The following EMSY variants were observed in gnomAD, a reference collection of about 807,000 sequenced individuals.
EMSY encodes the protein EMSY transcriptional repressor, BRCA2 interacting.
A neutral mutation model predicts 134.6 loss-of-function variants in EMSY; 26 were observed. The ratio of observed to expected loss-of-function variants is 0.19; its 90% CI spans 0.14 to 0.27. The LOEUF (loss-of-function observed/expected upper bound fraction) is 0.27. Among genes scored for constraint, EMSY ranks in the 10% least tolerant of loss-of-function variants. EMSY has a pLI of 1.00. For missense variants in EMSY, 1,305 were observed against 1,611.4 expected (o/e 0.81, Z 3.26); for synonymous variants, 579 against 577.8 (o/e 1.00, Z -0.03).
At chr11:76,507,015 A>G (rs1237572801) in intron 9 of EMSY, among the ~76,000 whole-genome samples, 1 of 152,242 alleles carries the variant, frequency 6.6e-6, no homozygotes, top group East Asian at 1.9e-4. Flanking sequence ...AGACCACTGA[A>G]ATAAAGTGAA....
chr11:76,504,857 T>C (rs554421729), intron 9 of EMSY, among the ~76,000 whole-genome samples: 74 of 152,318 alleles, frequency 4.9e-4, no homozygotes, highest in African/African-American at 1.6e-3. Flanking sequence ...TGCTACAAGA[T>C]GGATGAACCT....
intron 13 of EMSY, among the ~76,000 whole-genome samples, chr11:76,527,217 T>C (rs1950875793): frequency 6.6e-6 from 1 of 151,872 alleles, no homozygotes; most frequent in African/African-American, 2.4e-5. Context: ...GCACTATTAG[T>C]TTCGGTTGAG....
chr11:76,472,301 T>C (rs896263131), intron 7 of EMSY, among the ~76,000 whole-genome samples: 1 of 152,088 alleles, frequency 6.6e-6, no homozygotes. Flanking sequence ...CTAAGTAGTA[T>C]GCTGAAATGT....
intron 9 of EMSY, among the ~76,000 whole-genome samples, chr11:76,508,754 T>A (rs1412538558): frequency 2.0e-5 from 3 of 152,256 alleles, no homozygotes; most frequent in Non-Finnish European, 4.4e-5. Context: ...CCGTCAGCAC[T>A]TGCTGTTTTG....
At chr11:76,496,145 A>G (rs902851188) in intron 8 of EMSY, 70 bp from the exon 10 acceptor site, 81 of 1,481,120 alleles carry the variant, frequency 5.5e-5, no homozygotes, top group Non-Finnish European at 7.0e-5. Context: ...ATTATCTACT[A>G]TAATAACCAG....
chr11:76,505,342 C>T (rs576214000), intron 9 of EMSY, among the ~76,000 whole-genome samples: 129 of 149,370 alleles, frequency 8.6e-4, no homozygotes, highest in Admixed American at 1.3e-3. Flanking sequence ...ATTACAGGCG[C>T]GCACCATCAC....
intron 20 of EMSY, among the ~76,000 whole-genome samples, chr11:76,548,277 T>G (rs1487837585): frequency 6.6e-6 from 1 of 152,234 alleles, no homozygotes; most frequent in Non-Finnish European, 1.5e-5. Context: ...AGTGCTTTGA[T>G]TCTAGAAGAA....
intron 4 of EMSY, among the ~76,000 whole-genome samples, chr11:76,455,099 T>A (rs1299620672): frequency 6.6e-6 from 1 of 152,176 alleles, no homozygotes; most frequent in Non-Finnish European, 1.5e-5. Flanking sequence ...TATTTTTGGA[T>A]AATATATGAG....
chr11:76,532,351 GT>G (rs201396066), intron 14 of EMSY, among the ~76,000 whole-genome samples: 1,984 of 132,338 alleles, frequency 0.015, 30 homozygotes, highest in East Asian at 0.079. Flanking sequence ...AGTCCAAAAT[GT>G]TTTTTTTTTT....
rs556789767 is a variant in EMSY at position 76,460,114 on chromosome 11, C to T, written c.571+29C>T. ...AGTGATATTCTCAGTGTTATCAGGG[C>T]CTTCTTGGCTAAATGCTGCAGTCTA... On this transcript the variant is annotated intron_variant, in intron 6 of 20. Coordinates refer to ENST00000334736, the Ensembl canonical transcript of EMSY. 51 of 1,611,746 alleles carry T rather than the reference C, an allele frequency of 3.2e-5. No individual in the cohort carries two copies. In the South Asian group the frequency reaches 5.5e-4, roughly 17 times the overall value.
intron 14 of EMSY, 83 bp from the exon 16 acceptor site, chr11:76,535,812 C>T (rs1055319522): frequency 8.1e-6 from 9 of 1,113,342 alleles, no homozygotes; most frequent in Non-Finnish European, 1.1e-5. Flanking sequence ...GATAAGCAAA[C>T]AGACAAAAAA....
chr11:76,455,131 C>T (rs1947817421), intron 4 of EMSY, among the ~76,000 whole-genome samples: 1 of 152,162 alleles, frequency 6.6e-6, no homozygotes, highest in Non-Finnish European at 1.5e-5. Context: ...TATTTGACCT[C>T]TCCCTTTCCC....
chr11:76,519,438 G>C (rs530724952), intron 11 of EMSY, among the ~76,000 whole-genome samples: 1 of 152,134 alleles, frequency 6.6e-6, no homozygotes, highest in South Asian at 2.1e-4. Flanking sequence ...AAGTTTTTTT[G>C]TGAGCTTTGT....
At chr11:76,512,256 T>A (rs189880387) in intron 9 of EMSY, among the ~76,000 whole-genome samples, 220 of 152,292 alleles carry the variant, frequency 1.4e-3, no homozygotes, top group African/African-American at 5.1e-3. Context: ...CCTTTTCTCA[T>A]TTACCCCGAG....
chr11:76,465,538 G>C (rs1948315096), intron 7 of EMSY, among the ~76,000 whole-genome samples: 1 of 147,910 alleles, frequency 6.8e-6, no homozygotes, highest in African/African-American at 2.5e-5. Flanking sequence ...TACATTTATA[G>C]AGTTTTTCAT....
chr11:76,500,812 A>C (rs1300757966), intron 9 of EMSY, among the ~76,000 whole-genome samples: 2 of 152,240 alleles, frequency 1.3e-5, no homozygotes, highest in Non-Finnish European at 2.9e-5. Flanking sequence ...GAGAGGGAAT[A>C]AAAAGACTTC....
intron 18 of EMSY, among the ~76,000 whole-genome samples, chr11:76,543,757 A>T (rs1436900925): frequency 6.6e-6 from 1 of 152,106 alleles, no homozygotes; most frequent in Non-Finnish European, 1.5e-5. Context: ...ATCTTCATCC[A>T]TGCAGGGGGC....
chr11:76,480,745 A>G (rs1320551935), intron 8 of EMSY, among the ~76,000 whole-genome samples: 2 of 151,930 alleles, frequency 1.3e-5, no homozygotes, highest in Admixed American at 6.6e-5. Flanking sequence ...CTGGTTAGAC[A>G]GTGGGTGTAG....
intron 9 of EMSY, among the ~76,000 whole-genome samples, chr11:76,498,483 C>A (rs905720452): frequency 6.6e-6 from 1 of 152,044 alleles, no homozygotes. Context: ...TCAGTTTTTG[C>A]TACATGTATT....
Sources: gnomAD v4.1 joint callset for allele counts (sites outside exome capture counted in the v4.1 genomes callset) on GRCh38, gnomAD v4.1.1 for gene constraint, MANE v1.5 for transcripts, NCBI Gene and HGNC (gene_info 2026-07-23, HGNC 2026-07-21) for gene names.